Variants in ACTL8 observed in about 807,000 individuals in gnomAD.
The protein encoded by ACTL8 is actin like 8.
ACTL8 carries 3 observed loss-of-function variants against 9.3 expected under a neutral mutation model. That is an observed-to-expected ratio of 0.32 (90% confidence interval 0.15 to 0.83). ACTL8 has a LOEUF of 0.83. Among genes scored for constraint, ACTL8 ranks in the 40% least tolerant of loss-of-function variants. The pLI, the probability that ACTL8 is intolerant of heterozygous loss-of-function variation, is 0.57. For missense variants in ACTL8, 381 were observed against 492.2 expected (o/e 0.77, Z 2.14); for synonymous variants, 224 against 205.9 (o/e 1.09, Z -0.75).
At chr1:17,794,347 A>T (rs1469855770) in intron 1 of ACTL8, among the ~76,000 whole-genome samples, 1 of 152,198 alleles carries the variant, frequency 6.6e-6, no homozygotes, top group Non-Finnish European at 1.5e-5. Context: ...ATGACTAGCA[A>T]CAATATCCTG....
In ACTL8 at chr1:17,825,765, A is replaced by G. The variant is rs772625194; in HGVS notation, c.349-2A>G. Reference sequence around the variant, plus strand: ...CACTGAGTGAATTCTCCCTCGTTGCAGATCCTGTTTGAGTTGCTGCATGTC... The same window carrying G: ...CACTGAGTGAATTCTCCCTCGTTGCGGATCCTGTTTGAGTTGCTGCATGTC... On this transcript the variant is annotated splice_acceptor_variant, in intron 2 of 2. Coordinates refer to ENST00000375406, the MANE Select transcript of ACTL8 (RefSeq NM_030812.3). LOFTEE classifies it high-confidence loss of function. 3 of 1,609,714 alleles carry G rather than the reference A, an allele frequency of 1.9e-6. No homozygotes were observed. The highest frequency in any genetic ancestry group is 2.5e-6 in the Non-Finnish European group (3 of 1,177,530).
At chr1:17,816,631 G>A (rs906254462) in intron 1 of ACTL8, among the ~76,000 whole-genome samples, 1 of 152,172 alleles carries the variant, frequency 6.6e-6, no homozygotes, top group Non-Finnish European at 1.5e-5. Flanking sequence ...CCTGTTGCAC[G>A]CAGCCTGCAA....
At position 17,812,031 on chromosome 1, in the gene ACTL8, T is replaced by G. The variant is rs549181771; in HGVS notation, c.-24-10954T>G. On this transcript the variant is annotated intron_variant, in intron 1 of 2. Coordinates refer to ENST00000375406, the MANE Select transcript of ACTL8 (RefSeq NM_030812.3). ...ACCTGGCTAATTTTTTTATTTTTTG[T>G]ATTTTTAGTAGAGATGGGGTTTCAT... 3.0e-3 allele frequency among the ~76,000 whole-genome samples: 434 copies of G among 146,402 alleles called. 3 individuals are homozygous for G. The highest frequency in any genetic ancestry group is 0.01 in the African/African-American group (412 of 39,824).
At position 17,826,725 on chromosome 1, in the gene ACTL8, A is replaced by G; in HGVS notation, c.*206A>G. 2.2e-6 allele frequency: 1 copy of G among 461,258 alleles called. No individual in the cohort carries two copies. The allele number at this position is 461,258 out of a possible 1,614,324, so 28.6% of individuals were successfully genotyped here. Reference sequence around the variant, plus strand: ...TACCCAAGGGGGAAGACAAGATGTCATCCTTGGAAACCCTGCAGGGGACAG... The same window carrying G: ...TACCCAAGGGGGAAGACAAGATGTCGTCCTTGGAAACCCTGCAGGGGACAG... On this transcript the variant is annotated 3_prime_UTR_variant, in exon 3 of 3. Transcript: ENST00000375406. This position sits in a 1 kb window ranked among gnomAD's most constrained non-coding sequence, Gnocchi z 4.5.
At chr1:17,779,007 G>A (rs990883598) in intron 1 of ACTL8, among the ~76,000 whole-genome samples, 1 of 152,096 alleles carries the variant, frequency 6.6e-6, no homozygotes, top group Non-Finnish European at 1.5e-5. Context: ...TTGCCTGGAG[G>A]TGGGATAGGC....
At chr1:17,788,645 G>C (rs1170384246) in intron 1 of ACTL8, among the ~76,000 whole-genome samples, 3 of 152,262 alleles carry the variant, frequency 2.0e-5, no homozygotes, top group African/African-American at 4.8e-5. Context: ...GGAAGAAACA[G>C]CAAGAGGAGT....
At chr1:17,760,097 G>A (rs764268679) in intron 1 of ACTL8, among the ~76,000 whole-genome samples, 1 of 152,184 alleles carries the variant, frequency 6.6e-6, no homozygotes, top group Non-Finnish European at 1.5e-5. Flanking sequence ...AATCTGTGAT[G>A]TGTATTCTTG....
At chr1:17,817,705 C>CT (rs34283487) in intron 1 of ACTL8, among the ~76,000 whole-genome samples, 67,979 of 148,136 alleles carry the variant, frequency 0.46, 16,254 homozygotes, top group East Asian at 0.67. Flanking sequence ...TTCTTTCTTT[C>CT]TTTTCTTTTT....
Position 17,826,192 on chromosome 1 carries a change from G to T in ACTL8, c.774G>T (p.Met258Ile). 3 of 1,613,362 alleles carry T rather than the reference G, an allele frequency of 1.9e-6. No individual in the cohort carries two copies. The highest frequency in any genetic ancestry group is 2.5e-6 in the Non-Finnish European group (3 of 1,179,960). ...LTPMQRVAPE[M>I]FFSPQVFEQP... ...CCATGCAGCGGGTGGCTCCTGAGAT[G>T]TTCTTTAGCCCGCAGGTGTTCGAGC... The change falls in exon 3 of 3, where the codon ATG (methionine) becomes ATT (isoleucine). Residue 258 changes from methionine to isoleucine, a missense_variant. Physicochemically the swap from Met to Ile is conservative, Grantham distance 10. Transcript: ENST00000375406. This position sits in a 1 kb window ranked among gnomAD's most constrained non-coding sequence, Gnocchi z 4.5.
intron 1 of ACTL8, among the ~76,000 whole-genome samples, chr1:17,780,670 T>G (rs2066147956): frequency 7.1e-6 from 1 of 140,652 alleles, no homozygotes; most frequent in Admixed American, 7.8e-5. Flanking sequence ...CTGAGGATGC[T>G]GGCTTCAGTG....
intron 1 of ACTL8, among the ~76,000 whole-genome samples, chr1:17,757,624 G>T (rs2065977036): frequency 6.6e-6 from 1 of 152,166 alleles, no homozygotes; most frequent in African/African-American, 2.4e-5. Flanking sequence ...GCCACCTGCT[G>T]TTGTCACTAG....
chr1:17,821,000 C>T (rs76519994), intron 1 of ACTL8, among the ~76,000 whole-genome samples: 3,459 of 152,146 alleles, frequency 0.023, 124 homozygotes, highest in African/African-American at 0.076. Flanking sequence ...GGTAGGTGTA[C>T]AGAAATATCT....
At position 17,826,491 on chromosome 1, in the gene ACTL8, A is replaced by T. The variant is rs770166447; in HGVS notation, c.1073A>T (p.Glu358Val). ...STYQSEWMSR[E>V]EYGEHMRM ...TACCAGTCTGAGTGGATGTCCCGAG[A>T]GGAGTATGGTGAGCATATGAGGATG... The change falls in exon 3 of 3, where the codon GAG becomes GTG. Residue 358 changes from glutamate to valine, a missense_variant. Physicochemically the swap from Glu to Val is moderately radical, Grantham distance 121 (BLOSUM62 -2). Around this residue, in one of 3 missense-constraint regions of ACTL8, gnomAD observed 243 missense variants for 276.2 expected, o/e 0.88. Transcript: ENST00000375406. The surrounding 1 kb of genome is among the most constrained non-coding windows in gnomAD (Gnocchi z 4.5). The T allele has an allele frequency of 4.4e-6, 7 of 1,594,974 alleles. No individual in the cohort carries two copies. The South Asian group carries it at 7.9e-5, about 18-fold the overall frequency.
intron 1 of ACTL8, among the ~76,000 whole-genome samples, chr1:17,780,079 C>T (rs532458540): frequency 6.6e-6 from 1 of 152,092 alleles, no homozygotes; most frequent in Admixed American, 6.6e-5. Context: ...TAGTGGTGTG[C>T]ACCTGCAGTC....
chr1:17,781,957 A>C (rs899925815), intron 1 of ACTL8, among the ~76,000 whole-genome samples: 5 of 152,218 alleles, frequency 3.3e-5, no homozygotes, highest in African/African-American at 9.7e-5. Flanking sequence ...TGAAGGAGCC[A>C]GATGGAGCCA....
intron 1 of ACTL8, among the ~76,000 whole-genome samples, chr1:17,820,126 T>C (rs79648878): frequency 0.023 from 3,455 of 152,278 alleles, 126 homozygotes; most frequent in African/African-American, 0.076. Flanking sequence ...CATAGTTCCA[T>C]CATGGCCCCA....
At chr1:17,760,909 A>AG (rs1225734673) in intron 1 of ACTL8, among the ~76,000 whole-genome samples, 1 of 152,322 alleles carries the variant, frequency 6.6e-6, no homozygotes, top group South Asian at 2.1e-4. Flanking sequence ...CTGGCTATAA[A>AG]ACCGATCTGA....
At position 17,767,222 on chromosome 1, in the gene ACTL8, C is replaced by T. The variant is rs543566049; in HGVS notation, c.-25+11718C>T. Among the ~76,000 whole-genome samples the T allele has an allele frequency of 4.6e-5, 7 of 152,134 alleles. No individual in the cohort carries two copies. Among genetic ancestry groups the T allele is most frequent in the Admixed American group, 3.9e-4 (6 of 15,294 alleles). ...GGACTGTGGAGGCCTGCTCTGGAAA[C>T]AGTGAGGAGGGCATCAGGAGGTGAG... On this transcript the variant is annotated intron_variant, in intron 1 of 2. Transcript: ENST00000375406. This position sits in a 1 kb window ranked among gnomAD's most constrained non-coding sequence, Gnocchi z 4.7.
At chr1:17,783,491 C>T (rs1042578437) in intron 1 of ACTL8, among the ~76,000 whole-genome samples, 3 of 152,078 alleles carry the variant, frequency 2.0e-5, no homozygotes, top group Non-Finnish European at 4.4e-5. Flanking sequence ...GGCAGCACCA[C>T]ATATACGAAA....
Sources: gnomAD v4.1 joint callset for allele counts (sites outside exome capture counted in the v4.1 genomes callset) on GRCh38, gnomAD v4.1.1 for gene constraint, gnomAD v4.1.1 regional missense constraint, Gnocchi (gnomAD v3.1) non-coding constraint, MANE v1.5 for transcripts, NCBI Gene and HGNC (gene_info 2026-07-23, HGNC 2026-07-21) for gene names.